Variants in DSTYK observed in about 807,000 individuals in gnomAD.
The protein encoded by DSTYK is dual serine/threonine and tyrosine protein kinase, also known as RIP-homologous kinase.
DSTYK carries 34 observed loss-of-function variants against 98.7 expected under a neutral mutation model. That is an observed-to-expected ratio of 0.34 (90% CI 0.26 to 0.46). The LOEUF (loss-of-function observed/expected upper bound fraction) is 0.46. Ranked by LOEUF, DSTYK falls within the 20% of genes least tolerant of loss-of-function variation. The probability of loss-of-function intolerance (pLI) is 1.00; values close to 1 mark genes in which losing one functional copy is unlikely to be tolerated. For missense variants in DSTYK, 962 were observed against 1,181.7 expected (o/e 0.81, Z 2.73); for synonymous variants, 462 against 457.3 (o/e 1.01, Z -0.13).
chr1:205,179,465 A>T (rs1471175938), intron 2 of DSTYK, among the ~76,000 whole-genome samples: 1 of 151,886 alleles, frequency 6.6e-6, no homozygotes, highest in African/African-American at 2.4e-5. Context: ...CTAAAAATAT[A>T]AAAAAATTAG....
At chr1:205,211,136 G>A in intron 1 of DSTYK, 135 bp downstream of exon 1, 1 of 1,320,588 alleles carries the variant, frequency 7.6e-7, no homozygotes, top group East Asian at 2.8e-5. Flanking sequence ...CCCATGCCCG[G>A]GGACCCGGCC....
In DSTYK at chr1:205,161,238, T is replaced by G; in HGVS notation, c.1948+20A>C. ...ATCCTGAACCATCCTCCAGTTTATC[T>G]AGAAGAAAACCAGACTCACGATGAA... On this transcript the variant is annotated intron_variant, in intron 7 of 12. Coordinates refer to ENST00000367162, the MANE Select transcript of DSTYK (RefSeq NM_015375.3). 6.2e-7 allele frequency: 1 copy of G among 1,613,512 alleles called. No homozygotes were observed. Among genetic ancestry groups the G allele is most frequent in the Non-Finnish European group, 8.5e-7 (1 of 1,179,702 alleles).
intron 6 of DSTYK, 142 bp downstream of exon 6, chr1:205,161,894 G>T: frequency 1.5e-6 from 1 of 659,758 alleles, no homozygotes; most frequent in Non-Finnish European, 2.4e-6. Context: ...ATGTGTGTGT[G>T]TGTATATATA....
intron 5 of DSTYK, among the ~76,000 whole-genome samples, chr1:205,162,650 T>C (rs1351092573): frequency 1.3e-5 from 2 of 152,182 alleles, no homozygotes; most frequent in Admixed American, 6.5e-5. Context: ...CCATGAAATA[T>C]CATTTATCTT....
In DSTYK at chr1:205,158,499, CAAATA is replaced by C. The variant is rs774505068; in HGVS notation, c.2238+1043_2238+1047del. On this transcript the variant is annotated intron_variant, in intron 9 of 12. Transcript: ENST00000367162. ...TCCAACTGAGGGTTTCACCTTCACT[CAAATA>C]AAATCCTTTAGTAGCTTCTCACAGT... Among the ~76,000 whole-genome samples, 3 of 152,282 alleles carry C rather than the reference CAAATA, an allele frequency of 2.0e-5. No individual in the cohort carries two copies. In the South Asian group the frequency reaches 6.2e-4, roughly 32 times the overall value.
intron 1 of DSTYK, among the ~76,000 whole-genome samples, chr1:205,194,698 G>A (rs1006237360): frequency 3.3e-5 from 5 of 149,986 alleles, no homozygotes; most frequent in African/African-American, 1.2e-4. Context: ...AAAAAAGACA[G>A]AGACAGAGCT....
chr1:205,209,613 A>G (rs1659308389), intron 1 of DSTYK, among the ~76,000 whole-genome samples: 1 of 102,746 alleles, frequency 9.7e-6, no homozygotes. Flanking sequence ...TTACCTTGTA[A>G]CATAAAAGGA....
At chr1:205,157,192 T>C in intron 10 of DSTYK, 81 bp downstream of exon 10, 6 of 1,210,308 alleles carry the variant, frequency 5.0e-6, no homozygotes, top group Non-Finnish European at 7.2e-6. Context: ...TCTTAGGATC[T>C]AACTTACATT....
intron 9 of DSTYK, 65 bp downstream of exon 9, chr1:205,159,477 CAGGAG>C (rs1657652883): frequency 6.0e-6 from 9 of 1,494,404 alleles, no homozygotes; most frequent in Non-Finnish European, 7.2e-6. Flanking sequence ...TCTTAATAAA[CAGGAG>C]AGGATGAGTG....
chr1:205,169,584 T>A lies in DSTYK; in HGVS notation c.903A>T (p.Ser301=). ...GGTCAATTAGCTGGCGATAAAGCGGTGATCTTTCGCTCTCCATTCTCCTGG... is the reference window on the plus strand; with the variant it reads ...GGTCAATTAGCTGGCGATAAAGCGGAGATCTTTCGCTCTCCATTCTCCTGG... ...SSTRRMESER[S]PLYRQLIDLG... The change falls in exon 3 of 13, where the codon TCA becomes TCT. Residue 301 remains serine (S), a synonymous_variant. Coordinates refer to ENST00000367162, the MANE Select transcript of DSTYK (RefSeq NM_015375.3). The surrounding 1 kb of genome is among the most constrained non-coding windows in gnomAD (Gnocchi z 4.0). The A allele has an allele frequency of 6.2e-7, 1 of 1,614,198 alleles. No homozygotes were observed. The highest frequency in any genetic ancestry group is 8.5e-7 in the Non-Finnish European group (1 of 1,180,022).
intron 1 of DSTYK, among the ~76,000 whole-genome samples, chr1:205,190,057 A>C (rs779846413): frequency 2.0e-5 from 3 of 152,184 alleles, no homozygotes; most frequent in Non-Finnish European, 4.4e-5. Context: ...ACTGCAGAAC[A>C]CCTACCATGC....
intron 2 of DSTYK, among the ~76,000 whole-genome samples, chr1:205,180,153 G>T (rs1477671386): frequency 6.6e-6 from 1 of 152,038 alleles, no homozygotes; most frequent in Non-Finnish European, 1.5e-5. Flanking sequence ...ATACATGTGG[G>T]GAACGTGCAG....
At chr1:205,149,724 T>G (rs1574744592) in intron 11 of DSTYK, among the ~76,000 whole-genome samples, 1 of 152,184 alleles carries the variant, frequency 6.6e-6, no homozygotes, top group Non-Finnish European at 1.5e-5. Flanking sequence ...TGTCCCCTAC[T>G]CAAAAGCTCA....
chr1:205,202,329 T>C, intron 1 of DSTYK: 1 of 701,424 alleles, frequency 1.4e-6, no homozygotes. Context: ...AGCCACGAAG[T>C]ATCTGAAAGC....
chr1:205,176,594 A>G (rs1210966516), intron 2 of DSTYK, among the ~76,000 whole-genome samples: 3 of 150,930 alleles, frequency 2.0e-5, no homozygotes, highest in Non-Finnish European at 2.9e-5. Context: ...GTGTAAAATG[A>G]CACTATTTTA....
In DSTYK at chr1:205,157,209, T is replaced by C. The variant is rs1001660819; in HGVS notation, c.2352+64A>G. 1.6e-5 allele frequency: 22 copies of C among 1,392,930 alleles called. No individual in the cohort carries two copies. The Admixed American group carries it at 1.7e-4, about 11-fold the overall frequency. 86.3% of individuals were successfully genotyped at this position (1,392,930 alleles called of 1,614,324 possible). On this transcript the variant is annotated intron_variant, in intron 10 of 12. Transcript: ENST00000367162. ...TTAGGATCTAACTTACATTTACATGTACCCTCCAAAATCACTCAGCCACAG... is the reference window on the plus strand; with the variant it reads ...TTAGGATCTAACTTACATTTACATGCACCCTCCAAAATCACTCAGCCACAG...
chr1:205,189,467 C>T (rs1449514004), intron 1 of DSTYK, among the ~76,000 whole-genome samples: 2 of 152,222 alleles, frequency 1.3e-5, no homozygotes, highest in Admixed American at 1.3e-4. Context: ...TCCATCATAA[C>T]TGAAATTTTG....
At chr1:205,174,267 C>A (rs1166919750) in intron 2 of DSTYK, among the ~76,000 whole-genome samples, 1 of 151,884 alleles carries the variant, frequency 6.6e-6, no homozygotes, top group Non-Finnish European at 1.5e-5. Flanking sequence ...GTAATCCCAG[C>A]ACTTTGGGAG....
At position 205,169,716 on chromosome 1, in the gene DSTYK, G is replaced by C; in HGVS notation, c.771C>G (p.Leu257=). The C allele has an allele frequency of 6.2e-7, 1 of 1,614,200 alleles. No individual in the cohort carries two copies. The highest frequency in any genetic ancestry group is 1.1e-5 in the South Asian group (1 of 91,086). ...GAAGCTCTTGCTCATCCCTCTCAGA[G>C]AGTTCATCTTTGTGGAGTGCATAGG... is the stretch of plus-strand genomic sequence containing the variant. ...VITYALHKDE[L]SERDEQELQE... Residue 257 remains leucine, a synonymous_variant, in exon 3 of 13, where the codon CTC becomes CTG. Coordinates refer to ENST00000367162, the MANE Select transcript of DSTYK (RefSeq NM_015375.3). The surrounding 1 kb of genome is among the most constrained non-coding windows in gnomAD (Gnocchi z 4.0).
Sources: gnomAD v4.1 joint callset for allele counts (sites outside exome capture counted in the v4.1 genomes callset) on GRCh38, gnomAD v4.1.1 for gene constraint, Gnocchi (gnomAD v3.1) non-coding constraint, MANE v1.5 for transcripts, NCBI Gene and HGNC (gene_info 2026-07-23, HGNC 2026-07-21) for gene names.